Variants in AQP10 observed in about 807,000 individuals in gnomAD.
AQP10 encodes aquaporin-10.
In AQP10, 15 loss-of-function variants were observed where a neutral mutation model predicts 21.0. That is an observed-to-expected ratio of 0.71 (90% confidence interval 0.48 to 1.10). The LOEUF is 1.10. Among genes scored for constraint, AQP10 ranks in the 50% least tolerant of loss-of-function variants. The pLI is 0.00. For missense variants in AQP10, 268 were observed against 379.5 expected (o/e 0.71, Z 2.44); for synonymous variants, 143 against 155.7 (o/e 0.92, Z 0.61).
rs775992626 is a variant in AQP10, at chr1:154,324,746, G to C, written c.*266G>C. 1.7e-4 allele frequency: 65 copies of C among 379,938 alleles called. No homozygotes were observed. Among genetic ancestry groups the C allele is most frequent in the Non-Finnish European group, 2.9e-4 (60 of 206,958 alleles). 23.5% of individuals were successfully genotyped at this position (379,938 alleles called of 1,614,324 possible). ...AGGGCCTCTCGGAATGTAGTTGCTC[G>C]AGGTAACCGCTAGAGGGTGCGCACC... On this transcript the variant is annotated 3_prime_UTR_variant, in exon 6 of 6. Transcript: ENST00000324978.
At position 154,323,222 on chromosome 1, in the gene AQP10, G is replaced by A. The variant is rs1451137200; in HGVS notation, c.371-19G>A. On this transcript the variant is annotated intron_variant, in intron 3 of 5. Transcript: ENST00000324978. This position sits in a 1 kb window ranked among gnomAD's most constrained non-coding sequence, Gnocchi z 4.5. Reference sequence around the variant, plus strand: ...GAATGAGCAAAGAGGGAAATCCTGGGTGTTCCCTTCCTCCACAGATGCCCT... The same window carrying A: ...GAATGAGCAAAGAGGGAAATCCTGGATGTTCCCTTCCTCCACAGATGCCCT... The A allele has an allele frequency of 6.2e-7, 1 of 1,613,896 alleles. No individual in the cohort carries two copies.
intron 2 of AQP10, among the ~76,000 whole-genome samples, chr1:154,322,489 C>CTTTTTTTTTTTTTT (rs5777905): frequency 2.5e-5 from 3 of 117,858 alleles, no homozygotes; most frequent in Non-Finnish European, 3.4e-5. Context: ...GTGTCTTCTT[C>CTTTTTTTTTTTTTT]TTTTTTTTTT....
In AQP10 at chr1:154,322,004, TC is replaced by T; in HGVS notation, c.178del (p.Leu60TrpfsTer9). 1 of 1,613,930 alleles carries T rather than the reference TC, an allele frequency of 6.2e-7. No homozygotes were observed. The highest frequency in any genetic ancestry group is 1.1e-5 in the South Asian group (1 of 91,058). On this transcript the variant is annotated frameshift_variant, in exon 2 of 6. Coordinates refer to ENST00000324978, the MANE Select transcript of AQP10 (RefSeq NM_080429.3). LOFTEE classifies it high-confidence loss of function. ...ETKGNFFTMF[L>X]AGSLAVTIAI... ...CCAAAGGCAACTTCTTCACCATGTTTCTGGCTGGCTCTCTGGCCGTTACGAT... is the reference window on the plus strand; with the variant it reads ...CCAAAGGCAACTTCTTCACCATGTTTTGGCTGGCTCTCTGGCCGTTACGAT...
chr1:154,322,489 C>CTTTTTT (rs5777905), intron 2 of AQP10, among the ~76,000 whole-genome samples: 6 of 117,856 alleles, frequency 5.1e-5, no homozygotes, highest in South Asian at 2.9e-4. Context: ...GTGTCTTCTT[C>CTTTTTT]TTTTTTTTTT....
intron 2 of AQP10, among the ~76,000 whole-genome samples, chr1:154,322,349 T>A (rs571141307): frequency 2.6e-5 from 4 of 152,204 alleles, no homozygotes; most frequent in African/African-American, 9.6e-5. Context: ...TGGGGGCTCA[T>A]CTCCACTCAG....
Position 154,321,141 on chromosome 1 carries a change from T to TA in AQP10, c.-14dup, listed in dbSNP as rs577768762. 4.6e-4 allele frequency: 733 copies of TA among 1,606,410 alleles called. 5 individuals are homozygous for TA. In the African/African-American group the frequency reaches 5.4e-3, roughly 12 times the overall value. ...AGACAGAGGGAGCAGTGAATAGCAA[T>TA]AGGGTGTTTCCACCATGGTCTTCAC... On this transcript the variant is annotated 5_prime_UTR_variant, in exon 1 of 6. Transcript: ENST00000324978.
rs982761977 is a variant in AQP10, at chr1:154,324,848, G to A, written c.*368G>A. On this transcript the variant is annotated 3_prime_UTR_variant, in exon 6 of 6. Coordinates refer to ENST00000324978, the MANE Select transcript of AQP10 (RefSeq NM_080429.3). ...CATCCAGTGTAGGGCACAACCCTGG[G>A]GACTGCCCTCCATAGCCTGTCCCGA... 3 of 165,728 alleles carry A rather than the reference G, an allele frequency of 1.8e-5. No homozygotes were observed. In the Admixed American group the frequency reaches 1.9e-4, roughly 10 times the overall value. The allele number at this position is 165,728 out of a possible 1,614,324, so 10.3% of individuals were successfully genotyped here. A position where few individuals can be genotyped will look rare whatever the true frequency, so the allele number is the denominator to read the frequency against.
chr1:154,322,062 G>A lies in AQP10; in HGVS notation c.232+3G>A. On this transcript the variant is annotated splice_donor_region_variant and intron_variant, in intron 2 of 5. Transcript: ENST00000324978. Reference sequence around the variant, plus strand: ...CTACGTGGGTGGTAACGTCTCAGGTGAGGAGGGTGGGGTCTGGTCATCAGA... The same window carrying A: ...CTACGTGGGTGGTAACGTCTCAGGTAAGGAGGGTGGGGTCTGGTCATCAGA... 3 of 1,613,202 alleles carry A rather than the reference G, an allele frequency of 1.9e-6. No individual in the cohort carries two copies. The highest frequency in any genetic ancestry group is 2.5e-6 in the Non-Finnish European group (3 of 1,179,536).
rs569699023 is a variant in AQP10, at chr1:154,321,732, C to A, written c.106-201C>A. ...CAAATGCCTATGAGTTGGGTAAATT[C>A]TTTTCTTTTTTCCCACATTCTTTCC... On this transcript the variant is annotated intron_variant, in intron 1 of 5. Coordinates refer to ENST00000324978, the MANE Select transcript of AQP10 (RefSeq NM_080429.3). Among the ~76,000 whole-genome samples the A allele has an allele frequency of 1.9e-4, 29 of 152,256 alleles. No individual in the cohort carries two copies. The South Asian group carries it at 5.4e-3, about 28-fold the overall frequency.
chr1:154,322,778 G>T (rs1351575432), intron 2 of AQP10, among the ~76,000 whole-genome samples: 1 of 152,112 alleles, frequency 6.6e-6, no homozygotes, highest in Admixed American at 6.5e-5. Context: ...GATTACAGGC[G>T]TGAGCCACTG....
Position 154,323,527 on chromosome 1 carries a change from A to C in AQP10, c.490-62A>C. On this transcript the variant is annotated intron_variant, in intron 4 of 5. Transcript: ENST00000324978. The surrounding 1 kb of genome is among the most constrained non-coding windows in gnomAD (Gnocchi z 4.5). ...CCAGATGACATGGAATATTTGGATGAGAGAGGGCAGATGGAGCACCTGGCA... is the reference window on the plus strand; with the variant it reads ...CCAGATGACATGGAATATTTGGATGCGAGAGGGCAGATGGAGCACCTGGCA... 6.4e-7 allele frequency: 1 copy of C among 1,564,386 alleles called. No homozygotes were observed. Among genetic ancestry groups the C allele is most frequent in the Non-Finnish European group, 8.7e-7 (1 of 1,144,232 alleles).
Position 154,324,525 on chromosome 1 carries a change from T to A in AQP10, c.*45T>A, listed in dbSNP as rs1254105047. On this transcript the variant is annotated 3_prime_UTR_variant, in exon 6 of 6. Coordinates refer to ENST00000324978, the MANE Select transcript of AQP10 (RefSeq NM_080429.3). Reference sequence around the variant, plus strand: ...ACTCATGGACCCTGGAGCCAGCCACTGACCCCGCCTGGGAACAACAGTCAT... The same window carrying A: ...ACTCATGGACCCTGGAGCCAGCCACAGACCCCGCCTGGGAACAACAGTCAT... 6.4e-7 allele frequency: 1 copy of A among 1,573,104 alleles called. No individual in the cohort carries two copies. Among genetic ancestry groups the A allele is most frequent in the South Asian group, 1.1e-5 (1 of 87,510 alleles).
At chr1:154,321,841 T>G in intron 1 of AQP10, 92 bp from the exon 2 acceptor site, 1 of 1,560,292 alleles carries the variant, frequency 6.4e-7, no homozygotes, top group Middle Eastern at 2.3e-4. Context: ...TCTGTGCTCA[T>G]TCATCTCCTT....
rs1241887424 is a variant in AQP10, at chr1:154,323,629, T to C, written c.530T>C (p.Ile177Thr). Residue 177 changes from isoleucine (I) to threonine (T), a missense_variant, in exon 5 of 6, where the codon ATC becomes ACC. By Grantham distance (89) the Ile-to-Thr change is moderately conservative. Transcript: ENST00000324978. The surrounding 1 kb of genome is among the most constrained non-coding windows in gnomAD (Gnocchi z 4.5). ...ATGCTGATTGTGGGGCTCTTGGCCATCCTGGACAGACGGAACAAGGGAGTC... is the reference window on the plus strand; with the variant it reads ...ATGCTGATTGTGGGGCTCTTGGCCACCCTGGACAGACGGAACAAGGGAGTC... ...TGMLIVGLLA[I>T]LDRRNKGVPA... The C allele has an allele frequency of 1.2e-6, 2 of 1,614,186 alleles. No homozygotes were observed. The highest frequency in any genetic ancestry group is 1.7e-6 in the Non-Finnish European group (2 of 1,180,006).
rs971823507 is a variant in AQP10, at chr1:154,323,107, G to A, written c.358G>A (p.Val120Ile). The A allele has an allele frequency of 6.2e-7, 1 of 1,614,098 alleles. No individual in the cohort carries two copies. The highest frequency in any genetic ancestry group is 8.5e-7 in the Non-Finnish European group (1 of 1,180,050). Residue 120 changes from valine to isoleucine, a missense_variant, in exon 3 of 6, where the codon GTT becomes ATT. Transcript: ENST00000324978. The surrounding 1 kb of genome is among the most constrained non-coding windows in gnomAD (Gnocchi z 4.5). ...SAFCASGATYVLYHDALQNYT... is the reference protein window; with the variant it reads ...SAFCASGATYILYHDALQNYT... ...TTTCTGTGCTTCGGGAGCCACCTAT[G>A]TTCTCTACCATGGTGACAGAGGGAA...
Position 154,325,259 on chromosome 1 carries a change from C to T in AQP10, c.*779C>T, listed in dbSNP as rs1685740526. 6.6e-6 allele frequency: 1 copy of T among 152,194 alleles called. No homozygotes were observed. The highest frequency in any genetic ancestry group is 2.4e-5 in the African/African-American group (1 of 41,430). The allele number at this position is 152,194 out of a possible 1,614,324, so 9.4% of individuals were successfully genotyped here. A position where few individuals can be genotyped will look rare whatever the true frequency, so the allele number is the denominator to read the frequency against. On this transcript the variant is annotated 3_prime_UTR_variant, in exon 6 of 6. Coordinates refer to ENST00000324978, the MANE Select transcript of AQP10 (RefSeq NM_080429.3). ...CCTGCCGCTCCCTGCAGAGGATGCT[C>T]GTTTTGCAGAGAAGGCAGTGTTCCT...
Position 154,322,070 on chromosome 1 carries a change from T to G in AQP10, c.232+11T>G, listed in dbSNP as rs1319012870. 11 of 1,612,870 alleles carry G rather than the reference T, an allele frequency of 6.8e-6. No homozygotes were observed. Among genetic ancestry groups the G allele is most frequent in the Non-Finnish European group, 8.5e-6 (10 of 1,179,418 alleles). The stretch of plus-strand genomic sequence containing the variant: ...GTGGTAACGTCTCAGGTGAGGAGGG[T>G]GGGGTCTGGTCATCAGAGCACGTGG... On this transcript the variant is annotated intron_variant, in intron 2 of 5. Transcript: ENST00000324978.
rs760257654 is a variant in AQP10 at position 154,323,378 on chromosome 1, C to G, written c.489+19C>G. 15 of 1,604,086 alleles carry G rather than the reference C, an allele frequency of 9.4e-6. No individual in the cohort carries two copies. The highest frequency in any genetic ancestry group is 2.7e-5 in the African/African-American group (2 of 74,664). Reference sequence around the variant, plus strand: ...GGATCAGGTAAGTGTGAGGGGGAGACCTGGGGACACTACTTTGGTCCTGTT... The same window carrying G: ...GGATCAGGTAAGTGTGAGGGGGAGAGCTGGGGACACTACTTTGGTCCTGTT... On this transcript the variant is annotated intron_variant, in intron 4 of 5. Transcript: ENST00000324978. The surrounding 1 kb of genome is among the most constrained non-coding windows in gnomAD (Gnocchi z 4.5).
chr1:154,322,131 G>A, intron 2 of AQP10, 72 bp downstream of exon 2: 2 of 1,586,044 alleles, frequency 1.3e-6, no homozygotes, highest in Non-Finnish European at 1.7e-6. Context: ...GGTGATGGTG[G>A]AAACGCAAAT....
Sources: allele counts gnomAD v4.1 joint callset (sites outside exome capture counted in the v4.1 genomes callset), GRCh38; gene constraint gnomAD v4.1.1; non-coding constraint Gnocchi (gnomAD v3.1); transcripts MANE v1.5; gene names NCBI Gene and HGNC (gene_info 2026-07-23, HGNC 2026-07-21).